TMTC4: variants seen among roughly 807,000 people sequenced by gnomAD.
The protein encoded by TMTC4 is protein O-mannosyl-transferase TMTC4.
TMTC4 carries 65 observed loss-of-function variants against 86.0 expected under a neutral mutation model. The observed-to-expected ratio is 0.76, with a 90% CI of 0.62 to 0.93. The LOEUF (loss-of-function observed/expected upper bound fraction) is 0.93, where lower values mean the gene tolerates loss of function less well. Ranked by LOEUF, TMTC4 falls within the 40% of genes least tolerant of loss-of-function variation. The pLI is 0.00. For synonymous variants in TMTC4, 379 were observed against 382.5 expected (o/e 0.99, Z 0.11); for missense variants, 866 against 948.1 (o/e 0.91, Z 1.14).
intron 15 of TMTC4, among the ~76,000 whole-genome samples, chr13:100,619,824 A>G (rs1879209065): frequency 6.6e-6 from 1 of 152,202 alleles, no homozygotes; most frequent in Non-Finnish European, 1.5e-5. Context: ...CCTCAGATCA[A>G]TTCACTCCAC....
rs754135030 is a variant in TMTC4, at chr13:100,636,553, G to C, written c.1181C>G (p.Ser394Cys). ...LIGLICQALCSEDGHKRRILT... is the reference protein window; with the variant it reads ...LIGLICQALCCEDGHKRRILT... ...TTACCTTCTCTTGTGGCCGTCTTCA[G>C]AGCACAGGGCTTGGCATATCAGGCC... Residue 394 changes from serine to cysteine, a missense_variant, in exon 10 of 19, where the codon TCT becomes TGT. By Grantham distance (112) the Ser-to-Cys change is moderately radical. Transcript: ENST00000342624. 2 of 1,614,204 alleles carry C rather than the reference G, an allele frequency of 1.2e-6. No individual in the cohort carries two copies. Among genetic ancestry groups the C allele is most frequent in the East Asian group, 4.5e-5 (2 of 44,888 alleles).
At chr13:100,658,322 G>GC (rs1285375828) in intron 5 of TMTC4, among the ~76,000 whole-genome samples, 5 of 152,144 alleles carry the variant, frequency 3.3e-5, no homozygotes, top group Admixed American at 6.5e-5. Context: ...CATCTCTGCA[G>GC]CCCCGGGTGA....
chr13:100,606,475 CA>C (rs1343718617), intron 17 of TMTC4, 48 bp from the exon 18 acceptor site: 4 of 1,507,318 alleles, frequency 2.7e-6, no homozygotes, highest in Non-Finnish European at 3.6e-6. Flanking sequence ...GTACATGAAG[CA>C]AAAGCAGTTC....
chr13:100,673,277 G>A, intron 1 of TMTC4: 1 of 984,184 alleles, frequency 1.0e-6, no homozygotes, highest in Non-Finnish European at 1.2e-6. Context: ...TGACACGGCA[G>A]CCTGGACTGC....
At chr13:100,656,490 CAAAG>C in intron 5 of TMTC4, 22 bp from the exon 6 acceptor site, 1 of 1,456,606 alleles carries the variant, frequency 6.9e-7, no homozygotes, top group Non-Finnish European at 9.2e-7. Flanking sequence ...GGGAAGAAAA[CAAAG>C]AATTACATAA....
intron 3 of TMTC4, 100 bp downstream of exon 3, chr13:100,668,479 T>C: frequency 7.8e-7 from 1 of 1,274,948 alleles, no homozygotes; most frequent in South Asian, 1.4e-5. Context: ...AGGCCAATGC[T>C]TAACCTACAT....
chr13:100,654,822 C>G (rs1480216869), intron 6 of TMTC4, among the ~76,000 whole-genome samples: 1 of 152,076 alleles, frequency 6.6e-6, no homozygotes, highest in African/African-American at 2.4e-5. Context: ...TATCATATCT[C>G]CTAAATGATG....
intron 10 of TMTC4, 124 bp downstream of exon 10, chr13:100,636,408 T>C (rs957427036): frequency 1.7e-6 from 2 of 1,148,686 alleles, no homozygotes; most frequent in South Asian, 1.5e-5. Context: ...GCCATAAATA[T>C]GCATTTGAAA....
chr13:100,634,925 G>A lies in TMTC4; in HGVS notation c.1386C>T (p.Ala462=), dbSNP rs138758332. 1.0e-4 allele frequency: 169 copies of A among 1,613,954 alleles called. No homozygotes were observed. In the African/African-American group the frequency reaches 2.0e-3, roughly 19 times the overall value. ...TGAATAAGATTCCCAGCACGACAGC[G>A]GCAATGAGTTTCTTAAGAACAGAAA... ...SKHTKKKKLI[A]AVVLGILFIN... The change falls in exon 12 of 19, where the codon GCC becomes GCT. Residue 462 remains alanine (A), a synonymous_variant. Transcript: ENST00000342624.
At chr13:100,645,517 C>T (rs1486080184) in intron 6 of TMTC4, among the ~76,000 whole-genome samples, 2 of 152,174 alleles carry the variant, frequency 1.3e-5, no homozygotes, top group African/African-American at 2.4e-5. Context: ...CAGGTAAGCC[C>T]GGTTCACCTC....
intron 5 of TMTC4, among the ~76,000 whole-genome samples, chr13:100,657,077 A>G (rs1770359): frequency 0.71 from 108,397 of 152,038 alleles, 39,658 homozygotes; most frequent in East Asian, 0.98. Flanking sequence ...TGCCATAAAA[A>G]CTGTGTTCTT....
intron 1 of TMTC4, chr13:100,674,459 C>A: frequency 3.3e-6 from 3 of 911,126 alleles, no homozygotes; most frequent in African/African-American, 3.6e-5. Flanking sequence ...GACCTCTGCC[C>A]GGGCGGAGAA....
At chr13:100,613,561 A>G (rs1877970640) in intron 16 of TMTC4, among the ~76,000 whole-genome samples, 1 of 152,022 alleles carries the variant, frequency 6.6e-6, no homozygotes, top group African/African-American at 2.4e-5. Flanking sequence ...AGTACTATCC[A>G]TGTCATTAGC....
intron 15 of TMTC4, chr13:100,624,813 T>C (rs909287397): frequency 2.0e-5 from 3 of 152,288 alleles, no homozygotes; most frequent in Admixed American, 6.5e-5. Context: ...TACATCTAAA[T>C]ATATTAGGAA....
intron 12 of TMTC4, 40 bp downstream of exon 12, chr13:100,634,765 C>A (rs1278889821): frequency 6.2e-7 from 1 of 1,601,214 alleles, no homozygotes; most frequent in Non-Finnish European, 8.5e-7. Flanking sequence ...AACAGATACC[C>A]TAGTAAGGTC....
chr13:100,645,674 G>A (rs543245416), intron 6 of TMTC4, among the ~76,000 whole-genome samples: 2 of 152,306 alleles, frequency 1.3e-5, no homozygotes, highest in Admixed American at 6.5e-5. Flanking sequence ...GACTGCCCCC[G>A]TAGATTAGGT....
chr13:100,670,785 C>CA (rs1029824244), intron 1 of TMTC4: 138 of 162,938 alleles, frequency 8.5e-4, no homozygotes, highest in African/African-American at 1.2e-3. Context: ...CCCGTGTCTA[C>CA]AAAAAAAAAT....
intron 2 of TMTC4, among the ~76,000 whole-genome samples, chr13:100,669,008 A>C (rs1419628820): frequency 6.6e-6 from 1 of 152,234 alleles, no homozygotes; most frequent in Non-Finnish European, 1.5e-5. Flanking sequence ...GGATCTATCA[A>C]ATCAGATGCC....
At chr13:100,642,339 A>G (rs774801909) in intron 6 of TMTC4, 28 bp from the exon 7 acceptor site, 1 of 1,612,282 alleles carries the variant, frequency 6.2e-7, no homozygotes, top group East Asian at 2.2e-5. Context: ...TGATCAGTGC[A>G]AAAGTCATGG....
Sources: allele counts gnomAD v4.1 joint callset (sites outside exome capture counted in the v4.1 genomes callset), GRCh38; gene constraint gnomAD v4.1.1; transcripts MANE v1.5; gene names NCBI Gene and HGNC (gene_info 2026-07-23, HGNC 2026-07-21).